The following SHISA9 variants were observed in gnomAD, a reference collection of about 807,000 sequenced individuals.
SHISA9 encodes protein shisa-9.
A neutral mutation model predicts 38.0 loss-of-function variants in SHISA9; 13 were observed. The ratio of observed to expected loss-of-function variants is 0.34; its 90% confidence interval spans 0.22 to 0.54. The LOEUF (loss-of-function observed/expected upper bound fraction) is 0.54, where lower values mean the gene tolerates loss of function less well. SHISA9 is among the 20% of genes least tolerant of loss of function. The pLI is 0.91. For synonymous variants in SHISA9, 275 were observed against 242.0 expected, an observed-to-expected ratio of 1.14 and a Z score of -1.27; for missense variants, 538 against 575.8, an observed-to-expected ratio of 0.93 and a Z score of 0.67.
rs117350192 is a variant in SHISA9 at position 12,979,146 on chromosome 16, T to G, written c.691+62331T>G. On this transcript the variant is annotated intron_variant, in intron 2 of 4. Transcript: ENST00000558583. The stretch of plus-strand genomic sequence containing the variant: ...TTGATTGTTCCCATCGCTCCTGCCT[T>G]CAGCAATTCTTGCATGGTTTATAGC... Among the ~76,000 whole-genome samples, 919 of 152,350 alleles carry G rather than the reference T, an allele frequency of 6.0e-3. 7 individuals carry two copies. Among genetic ancestry groups the G allele is most frequent in the Middle Eastern group, 0.034 (10 of 294 alleles).
the SHISA9 span, among the ~76,000 whole-genome samples, chr16:13,487,572 A>G: frequency 6.6e-6 from 1 of 152,198 alleles, no homozygotes; most frequent in Non-Finnish European, 1.5e-5. Context: ...TGCCCCCATG[A>G]TCCAAAAAGC....
chr16:13,121,522 G>A (rs1360934478), intron 2 of SHISA9, among the ~76,000 whole-genome samples: 1 of 152,116 alleles, frequency 6.6e-6, no homozygotes, highest in Non-Finnish European at 1.5e-5. Context: ...TCTGCATTCT[G>A]TGCATTTCCT....
chr16:13,291,708 A>G, the SHISA9 span, among the ~76,000 whole-genome samples: 30 of 152,326 alleles, frequency 2.0e-4, no homozygotes, highest in African/African-American at 6.5e-4. Flanking sequence ...GAGAATATGT[A>G]ACATCAAAAG....
At chr16:13,420,042 T>C in the SHISA9 span, among the ~76,000 whole-genome samples, 1 of 151,930 alleles carries the variant, frequency 6.6e-6, no homozygotes, top group East Asian at 1.9e-4. Context: ...AGTCAGTAGT[T>C]CAAGACCAGG....
chr16:13,061,222 C>T (rs2073371396), intron 2 of SHISA9, among the ~76,000 whole-genome samples: 1 of 152,174 alleles, frequency 6.6e-6, no homozygotes. Flanking sequence ...TATCTGAAGC[C>T]TTTGCATATG....
chr16:13,019,759 CTTTCT>C (rs1300473087), intron 2 of SHISA9, among the ~76,000 whole-genome samples: 18 of 147,224 alleles, frequency 1.2e-4, no homozygotes, highest in Non-Finnish European at 1.9e-4. Context: ...CTTTTCTTTT[CTTTCT>C]TTTCTTTCTT....
At chr16:12,913,857 C>T (rs773046788) in intron 1 of SHISA9, among the ~76,000 whole-genome samples, 10 of 151,930 alleles carry the variant, frequency 6.6e-5, no homozygotes, top group South Asian at 2.1e-4. Flanking sequence ...TTTCTTTGTA[C>T]GGCTGGAGAA....
chr16:13,203,608 C>T (rs2142055129), intron 3 of SHISA9, 59 bp downstream of exon 3: 23 of 1,383,800 alleles, frequency 1.7e-5, no homozygotes, highest in Non-Finnish European at 2.2e-5. Context: ...TTTGCTGCTT[C>T]TTGTAGATCT....
intron 3 of SHISA9, chr16:13,204,846 C>T (rs1003913642): frequency 2.0e-5 from 3 of 152,190 alleles, no homozygotes; most frequent in Non-Finnish European, 2.9e-5. Context: ...AGAATTGAAC[C>T]CTATTTTTAT....
At chr16:13,242,008 C>T (rs1241338375), downstream of SHISA9, among the ~76,000 whole-genome samples, 1 of 152,160 alleles carries the variant, frequency 6.6e-6, no homozygotes, top group Non-Finnish European at 1.5e-5. Context: ...AACTCATAAA[C>T]AACAACAACA....
At chr16:13,444,242 G>T in the SHISA9 span, among the ~76,000 whole-genome samples, 1 of 152,086 alleles carries the variant, frequency 6.6e-6, no homozygotes, top group African/African-American at 2.4e-5. Context: ...GAGGTGGCAC[G>T]CACCTATAGT....
the SHISA9 span, chr16:13,331,452 T>G: frequency 6.6e-6 from 1 of 152,210 alleles, no homozygotes. Context: ...TATGATCTCA[T>G]GTCTTTAAAT....
At chr16:13,292,210 G>A in the SHISA9 span, among the ~76,000 whole-genome samples, 10 of 151,982 alleles carry the variant, frequency 6.6e-5, no homozygotes, top group East Asian at 2.0e-3. Flanking sequence ...TCTTTGCTGT[G>A]ACTGACAAGA....
the SHISA9 span, among the ~76,000 whole-genome samples, chr16:13,278,034 G>A: frequency 2.0e-5 from 3 of 151,844 alleles, no homozygotes; most frequent in African/African-American, 7.2e-5. Context: ...CTCATTCAGT[G>A]TTATGTTGGC....
At chr16:13,491,734 C>T in the SHISA9 span, among the ~76,000 whole-genome samples, 1 of 150,972 alleles carries the variant, frequency 6.6e-6, no homozygotes, top group East Asian at 1.9e-4. Context: ...AAGAGATCCA[C>T]CCGCCTCGAC....
chr16:12,953,854 A>C (rs1033728360), intron 2 of SHISA9, among the ~76,000 whole-genome samples: 6 of 152,216 alleles, frequency 3.9e-5, no homozygotes, highest in Admixed American at 2.6e-4. Flanking sequence ...CAGCTTCTTC[A>C]TAAGGTGGTA....
rs2050327173 is a variant in SHISA9 at position 13,134,045 on chromosome 16, G to A, written c.692-69349G>A. Among the ~76,000 whole-genome samples the A allele has an allele frequency of 1.3e-5, 2 of 152,126 alleles. 1 individual carries two copies. The highest frequency in any genetic ancestry group is 4.1e-4 in the South Asian group (2 of 4,828). ...ATCATCTTGATCTCGATACACTACT[G>A]CTACCATTTATTGAGTGTCCACTAG... On this transcript the variant is annotated intron_variant, in intron 2 of 4. Coordinates refer to ENST00000558583, the MANE Select transcript of SHISA9 (RefSeq NM_001145204.3).
rs990862327 is a variant in SHISA9, at chr16:13,239,654, A to G, written c.*4245A>G. The G allele has an allele frequency of 6.6e-6, 1 of 152,112 alleles. No homozygotes were observed. The highest frequency in any genetic ancestry group is 1.5e-5 in the Non-Finnish European group (1 of 68,026). The allele number at this position is 152,112 out of a possible 1,614,324, so 9.4% of individuals were successfully genotyped here. A position where few individuals can be genotyped will look rare whatever the true frequency, so the allele number is the denominator to read the frequency against. On this transcript the variant is annotated 3_prime_UTR_variant, in exon 5 of 5. Coordinates refer to ENST00000558583, the MANE Select transcript of SHISA9 (RefSeq NM_001145204.3). The stretch of plus-strand genomic sequence containing the variant: ...TGTCTTTTGAGAAGTGTCTGTTCAT[A>G]TCCTTCGCCCACTTTTTGATGGGGT...
chr16:13,559,252 T>C, the SHISA9 span, among the ~76,000 whole-genome samples: 3,549 of 152,284 alleles, frequency 0.023, 42 homozygotes, highest in Non-Finnish European at 0.034. Flanking sequence ...TCTAGAGAAC[T>C]GTCAACCACT....
Sources: allele counts gnomAD v4.1 joint callset (sites outside exome capture counted in the v4.1 genomes callset), GRCh38; gene constraint gnomAD v4.1.1; transcripts MANE v1.5; gene names NCBI Gene and HGNC (gene_info 2026-07-23, HGNC 2026-07-21).